ERICH5: variants seen among roughly 807,000 people sequenced by gnomAD.
The protein encoded by ERICH5 is glutamate rich 5.
In ERICH5, 24 loss-of-function variants were observed where a neutral mutation model predicts 28.0. The ratio of observed to expected loss-of-function variants is 0.86; its 90% CI spans 0.62 to 1.21. The LOEUF is 1.21. Ranked by LOEUF, ERICH5 falls within the 50% of genes most tolerant of loss-of-function variation. The pLI, the probability that ERICH5 is intolerant of heterozygous loss-of-function variation, is 0.00. For missense variants in ERICH5, 421 were observed against 441.2 expected, an observed-to-expected ratio of 0.95 and a Z score of 0.41; for synonymous variants, 163 against 157.6, an observed-to-expected ratio of 1.03 and a Z score of -0.25.
chr8:98,078,670 G>T (rs992333449), intron 1 of ERICH5, among the ~76,000 whole-genome samples: 23 of 152,168 alleles, frequency 1.5e-4, no homozygotes, highest in African/African-American at 5.1e-4. Flanking sequence ...TTATCACAAC[G>T]GTGCTTATAA....
chr8:98,084,230 T>C (rs1815232816), intron 1 of ERICH5, among the ~76,000 whole-genome samples: 1 of 151,822 alleles, frequency 6.6e-6, no homozygotes, highest in South Asian at 2.1e-4. Context: ...AACCAGTGTT[T>C]CTCTAGACCC....
intron 2 of ERICH5, among the ~76,000 whole-genome samples, chr8:98,091,933 C>CT (rs1302736375): frequency 1.1e-4 from 5 of 46,096 alleles, no homozygotes; most frequent in African/African-American, 3.4e-4. Flanking sequence ...TTCTTTCTTT[C>CT]TTCCTTTCTT....
intron 1 of ERICH5, among the ~76,000 whole-genome samples, chr8:98,065,735 C>A (rs1041661612): frequency 7.9e-5 from 12 of 152,208 alleles, no homozygotes; most frequent in African/African-American, 2.9e-4. Flanking sequence ...CAAACTCCGT[C>A]AAGCTAGTTT....
rs149620837 is a variant in ERICH5, at chr8:98,065,870, A to G, written c.58+1143A>G. Among the ~76,000 whole-genome samples the G allele has an allele frequency of 6.4e-3, 975 of 152,322 alleles. 7 individuals carry two copies. Among genetic ancestry groups the G allele is most frequent in the Middle Eastern group, 0.044 (13 of 294 alleles). On this transcript the variant is annotated intron_variant, in intron 1 of 2. Transcript: ENST00000318528. ...AATGTCTTCCTCTGATGTTGTTGGT[A>G]GAGCGCACCAGACGGTGAGGAATGC...
Position 98,073,506 on chromosome 8 carries a change from AT to A in ERICH5, c.58+8780del, listed in dbSNP as rs1814982748. Among the ~76,000 whole-genome samples the A allele has an allele frequency of 2.0e-3, 9 of 4,614 alleles. 1 individual carries two copies. Among genetic ancestry groups the A allele is most frequent in the African/African-American group, 6.2e-3 (6 of 974 alleles). The allele number at this position is 4,614 out of a possible 152,430, so 3.0% of individuals were successfully genotyped here. ...TATATGTATATATATATATATATAT[AT>A]ATATATATGTATATATATATATATA... On this transcript the variant is annotated intron_variant, in intron 1 of 2. Transcript: ENST00000318528.
chr8:98,088,470 C>T (rs189362661), intron 1 of ERICH5, among the ~76,000 whole-genome samples: 12 of 152,222 alleles, frequency 7.9e-5, no homozygotes, highest in East Asian at 7.7e-4. Context: ...CCACTGTGCC[C>T]CCCAAATGAC....
In ERICH5 at chr8:98,089,656, G is replaced by A; in HGVS notation, c.639G>A (p.Glu213=). Residue 213 remains glutamate, a synonymous_variant, in exon 2 of 3, where the codon GAG becomes GAA. Transcript: ENST00000318528. ...LQPQGTVGKD[E]QAPLLETISK... The stretch of plus-strand genomic sequence containing the variant: ...CTCAGGGCACAGTGGGAAAGGATGA[G>A]CAGGCCCCGCTTCTAGAAACAATTT... The A allele has an allele frequency of 6.2e-7, 1 of 1,614,134 alleles. No individual in the cohort carries two copies. Among genetic ancestry groups the A allele is most frequent in the Non-Finnish European group, 8.5e-7 (1 of 1,180,034 alleles).
In ERICH5 at chr8:98,093,321, A is replaced by C. The variant is rs1045950478; in HGVS notation, c.1113A>C (p.Ser371=). The change falls in exon 3 of 3, where the codon TCA becomes TCC. Residue 371 remains serine, a synonymous_variant. Coordinates refer to ENST00000318528, the MANE Select transcript of ERICH5 (RefSeq NM_173549.3). The part of the protein sequence containing the change: ...EEETGEVVDL[S]AAT ...AAACAGGAGAAGTGGTGGACCTTTC[A>C]GCAGCCACATAGATAGAAGAGTGAA... 1.2e-6 allele frequency: 2 copies of C among 1,612,754 alleles called. No homozygotes were observed. Among genetic ancestry groups the C allele is most frequent in the African/African-American group, 2.7e-5 (2 of 74,936 alleles).
chr8:98,073,432 C>CTCTCTCTATATATATATATATATG (rs1308514320), intron 1 of ERICH5, among the ~76,000 whole-genome samples: 1 of 15,040 alleles, frequency 6.6e-5, no homozygotes, highest in Non-Finnish European at 1.1e-4. Context: ...CTCTCTCTCT[C>CTCTCTCTATATATATATATATATG]TATATATATA....
At chr8:98,077,142 G>C (rs1221647631) in intron 1 of ERICH5, among the ~76,000 whole-genome samples, 1 of 151,994 alleles carries the variant, frequency 6.6e-6, no homozygotes, top group African/African-American at 2.4e-5. Flanking sequence ...ACTATATAAT[G>C]GGGATAACAA....
intron 2 of ERICH5, among the ~76,000 whole-genome samples, chr8:98,090,544 C>A (rs1391457046): frequency 1.3e-5 from 2 of 150,710 alleles, no homozygotes; most frequent in Non-Finnish European, 2.9e-5. Flanking sequence ...GGGAGGATAG[C>A]TTGAGCCCAG....
intron 1 of ERICH5, among the ~76,000 whole-genome samples, chr8:98,082,216 A>G (rs1815195791): frequency 6.6e-6 from 1 of 151,950 alleles, no homozygotes; most frequent in Non-Finnish European, 1.5e-5. Context: ...GGGCTACCAC[A>G]AAAAAAATAT....
intron 2 of ERICH5, among the ~76,000 whole-genome samples, chr8:98,091,976 T>C (rs1396158170): frequency 1.2e-4 from 17 of 139,050 alleles, no homozygotes; most frequent in African/African-American, 3.6e-4. Context: ...TCTTTCTTTT[T>C]CTTCTCTCTC....
chr8:98,090,146 G>A, intron 2 of ERICH5, 117 bp downstream of exon 2: 1 of 744,250 alleles, frequency 1.3e-6, no homozygotes. Flanking sequence ...GGTGGTTGAA[G>A]TTCGTTTGAC....
chr8:98,081,106 CTT>C (rs543800906), intron 1 of ERICH5, among the ~76,000 whole-genome samples: 1 of 151,230 alleles, frequency 6.6e-6, no homozygotes, highest in Non-Finnish European at 1.5e-5. Context: ...CTCTCTCTCT[CTT>C]TTTTTCTTTT....
chr8:98,090,296 T>G (rs772388693), intron 2 of ERICH5, among the ~76,000 whole-genome samples: 15 of 152,144 alleles, frequency 9.9e-5, no homozygotes, highest in Non-Finnish European at 1.6e-4. Flanking sequence ...AGGCAACATG[T>G]GAAACTTTCT....
At chr8:98,073,456 A>ATG (rs1814968350) in intron 1 of ERICH5, among the ~76,000 whole-genome samples, 2 of 9,588 alleles carry the variant, frequency 2.1e-4, no homozygotes. Context: ...ATATATATAT[A>ATG]TATGTATATA....
intron 1 of ERICH5, among the ~76,000 whole-genome samples, chr8:98,076,354 G>A (rs554534921): frequency 5.3e-5 from 8 of 150,814 alleles, no homozygotes; most frequent in African/African-American, 9.7e-5. Context: ...GTGCCCAGCC[G>A]TATTAACCTT....
chr8:98,091,900 C>CTTTTCTTT, intron 2 of ERICH5, among the ~76,000 whole-genome samples: 3,224 of 74,686 alleles, frequency 0.043, 135 homozygotes, highest in East Asian at 0.089. Flanking sequence ...TTCTTTCTTT[C>CTTTTCTTT]CTTTCTTTCT....
Sources: gnomAD v4.1 joint callset for allele counts (sites outside exome capture counted in the v4.1 genomes callset) on GRCh38, gnomAD v4.1.1 for gene constraint, MANE v1.5 for transcripts, NCBI Gene and HGNC (gene_info 2026-07-23, HGNC 2026-07-21) for gene names.